Variants in CGNL1 observed in about 807,000 individuals in gnomAD.
CGNL1 encodes cingulin like 1, also known as cingulin-like protein 1.
Under a neutral mutation model 141.2 loss-of-function variants are expected in CGNL1, and 132 were observed. The observed-to-expected ratio is 0.93, with a 90% confidence interval of 0.81 to 1.08. CGNL1 has a LOEUF of 1.08. Ranked by LOEUF, CGNL1 falls within the 50% of genes least tolerant of loss-of-function variation. The pLI is 0.00. For missense variants in CGNL1, 1,870 were observed against 1,588.6 expected (o/e 1.18, Z -3.01); for synonymous variants, 690 against 622.1 (o/e 1.11, Z -1.63).
chr15:57,377,577 A>T (rs948500651), intron 1 of CGNL1, among the ~76,000 whole-genome samples: 5 of 151,804 alleles, frequency 3.3e-5, no homozygotes, highest in Admixed American at 2.6e-4. Context: ...GCTCTTCCCT[A>T]ATCCACCTCT....
intron 12 of CGNL1, among the ~76,000 whole-genome samples, chr15:57,528,256 C>CA (rs59772552): frequency 0.037 from 4,967 of 133,188 alleles, 267 homozygotes; most frequent in African/African-American, 0.12. Context: ...GACTCCATCT[C>CA]AAAAAAAAAA....
At chr15:57,395,048 T>C (rs2062587563) in intron 1 of CGNL1, among the ~76,000 whole-genome samples, 2 of 152,136 alleles carry the variant, frequency 1.3e-5, no homozygotes, top group South Asian at 4.1e-4. Flanking sequence ...GAGGCGGAGG[T>C]TGCGGTGAGC....
intron 18 of CGNL1, among the ~76,000 whole-genome samples, chr15:57,547,011 T>A (rs1038793085): frequency 2.4e-4 from 36 of 152,170 alleles, no homozygotes; most frequent in African/African-American, 8.0e-4. Flanking sequence ...AGATAACATT[T>A]TAATGCAATA....
At chr15:57,393,715 A>G (rs1306077331) in intron 1 of CGNL1, among the ~76,000 whole-genome samples, 2 of 152,158 alleles carry the variant, frequency 1.3e-5, no homozygotes, top group Non-Finnish European at 2.9e-5. Context: ...GTATTACTCT[A>G]AAGACCAAAT....
In CGNL1 at chr15:57,470,086, G is replaced by A. The variant is rs528329007; in HGVS notation, c.2403+8194G>A. On this transcript the variant is annotated intron_variant, in intron 8 of 18. Transcript: ENST00000281282. The stretch of plus-strand genomic sequence containing the variant: ...AAATAATCAACTTACCCTGAATGAC[G>A]GCTACTGAGAGCTGGAGAAGTGGTG... Among the ~76,000 whole-genome samples, 223 of 152,234 alleles carry A rather than the reference G, an allele frequency of 1.5e-3. 2 individuals carry two copies. The highest frequency in any genetic ancestry group is 4.9e-3 in the African/African-American group (204 of 41,520).
chr15:57,395,533 G>A (rs867632184), intron 1 of CGNL1, among the ~76,000 whole-genome samples: 8 of 152,174 alleles, frequency 5.3e-5, no homozygotes, highest in African/African-American at 1.9e-4. Flanking sequence ...GCCTTGACTC[G>A]TTAATAAGAA....
At chr15:57,497,271 G>A (rs1219894462) in intron 8 of CGNL1, among the ~76,000 whole-genome samples, 1 of 152,036 alleles carries the variant, frequency 6.6e-6, no homozygotes, top group African/African-American at 2.4e-5. Context: ...GCTCCTGTGT[G>A]TGTGCACCTT....
chr15:57,479,429 C>A (rs1330226654), intron 8 of CGNL1, among the ~76,000 whole-genome samples: 1 of 151,904 alleles, frequency 6.6e-6, no homozygotes, highest in East Asian at 1.9e-4. Flanking sequence ...TTTGGGAGGC[C>A]AAGGCGGGCA....
chr15:57,415,907 C>T (rs149385099), intron 1 of CGNL1, among the ~76,000 whole-genome samples: 1 of 152,336 alleles, frequency 6.6e-6, no homozygotes, highest in African/African-American at 2.4e-5. Context: ...CAGCGAACCT[C>T]CAGTGGGATT....
chr15:57,393,143 C>T (rs1168681451), intron 1 of CGNL1, among the ~76,000 whole-genome samples: 1 of 152,266 alleles, frequency 6.6e-6, no homozygotes, highest in East Asian at 1.9e-4. Flanking sequence ...TCCCTTGCTC[C>T]AGGGTTCTAA....
intron 4 of CGNL1, among the ~76,000 whole-genome samples, chr15:57,444,917 C>G (rs2063232994): frequency 6.6e-6 from 1 of 152,062 alleles, no homozygotes; most frequent in Non-Finnish European, 1.5e-5. Flanking sequence ...AAGTTTATTC[C>G]TTTTGTGGCT....
At chr15:57,525,950 A>G (rs1225722403) in intron 12 of CGNL1, among the ~76,000 whole-genome samples, 1 of 152,192 alleles carries the variant, frequency 6.6e-6, no homozygotes, top group African/African-American at 2.4e-5. Flanking sequence ...GGTATCTGCC[A>G]GAACACCAAC....
chr15:57,435,216 A>G (rs1343626802), intron 1 of CGNL1, among the ~76,000 whole-genome samples: 1 of 152,084 alleles, frequency 6.6e-6, no homozygotes, highest in African/African-American at 2.4e-5. Context: ...TTTTTAGTGA[A>G]TATTTATATT....
chr15:57,414,091 G>T (rs1184543230), intron 1 of CGNL1, among the ~76,000 whole-genome samples: 2 of 152,198 alleles, frequency 1.3e-5, no homozygotes, highest in African/African-American at 4.8e-5. Context: ...TCTGGCTGCT[G>T]TTTTTTGTAA....
chr15:57,465,531 C>T (rs1004974907), intron 8 of CGNL1, among the ~76,000 whole-genome samples: 2 of 151,768 alleles, frequency 1.3e-5, no homozygotes, highest in South Asian at 4.2e-4. Context: ...GCTGGGATTA[C>T]AGGCATGCGC....
chr15:57,521,161 A>C (rs981606233), intron 10 of CGNL1, among the ~76,000 whole-genome samples: 3 of 152,138 alleles, frequency 2.0e-5, no homozygotes, highest in Admixed American at 6.6e-5. Flanking sequence ...GAAAAATGCA[A>C]AGTTGCCATG....
chr15:57,545,786 A>G (rs2032829800), intron 17 of CGNL1, 86 bp downstream of exon 17: 2 of 1,124,566 alleles, frequency 1.8e-6, no homozygotes, highest in Non-Finnish European at 2.6e-6. Flanking sequence ...CTCCCTGAGC[A>G]GGAGTGGAGT....
In CGNL1 at chr15:57,461,700, G is replaced by A; in HGVS notation, c.2211G>A (p.Gln737=). 6.2e-7 allele frequency: 1 copy of A among 1,614,064 alleles called. No individual in the cohort carries two copies. Among genetic ancestry groups the A allele is most frequent in the Non-Finnish European group, 8.5e-7 (1 of 1,179,976 alleles). ...TCTAGGAGCTCTTACAGGCAAAACAGGATCTTCAAGATCTGCTGATTGCCA... is the reference window on the plus strand; with the variant it reads ...TCTAGGAGCTCTTACAGGCAAAACAAGATCTTCAAGATCTGCTGATTGCCA... ...ALIEELLQAK[Q]DLQDLLIAKE... The change falls in exon 8 of 19, where the codon CAG becomes CAA. Residue 737 remains glutamine, a synonymous_variant. Coordinates refer to ENST00000281282, the MANE Select transcript of CGNL1 (RefSeq NM_032866.5).
chr15:57,517,725 C>T (rs1233498999), intron 9 of CGNL1, among the ~76,000 whole-genome samples: 1 of 152,178 alleles, frequency 6.6e-6, no homozygotes, highest in Admixed American at 6.5e-5. Context: ...CCACACTTGT[C>T]CATTGACCAG....
Sources: gnomAD v4.1 joint callset for allele counts (sites outside exome capture counted in the v4.1 genomes callset) on GRCh38, gnomAD v4.1.1 for gene constraint, MANE v1.5 for transcripts, NCBI Gene and HGNC (gene_info 2026-07-23, HGNC 2026-07-21) for gene names.